RTF2: variants seen among roughly 807,000 people sequenced by gnomAD.
RTF2 encodes the protein UPF0549 protein C20orf43.
Under a neutral mutation model 38.0 loss-of-function variants are expected in RTF2, and 18 were observed. The ratio of observed to expected loss-of-function variants is 0.47; its 90% CI spans 0.33 to 0.70. The LOEUF (loss-of-function observed/expected upper bound fraction) is 0.70, where lower values mean the gene tolerates loss of function less well. Among genes scored for constraint, RTF2 ranks in the 30% least tolerant of loss-of-function variants. RTF2 has a pLI of 0.02. For missense variants in RTF2, 311 were observed against 379.6 expected (o/e 0.82, Z 1.50); for synonymous variants, 126 against 137.1 (o/e 0.92, Z 0.57).
At chr20:56,484,322 G>A (rs751732163) in intron 5 of RTF2, 133 bp downstream of exon 5, 12 of 736,692 alleles carry the variant, frequency 1.6e-5, no homozygotes, top group Non-Finnish European at 2.8e-5. Context: ...ATGGCTCTTG[G>A]TTGCTGGAAG....
intron 5 of RTF2, among the ~76,000 whole-genome samples, chr20:56,504,833 G>A (rs890857777): frequency 1.3e-5 from 2 of 152,210 alleles, no homozygotes; most frequent in African/African-American, 2.4e-5. Flanking sequence ...ACGCCTAAGC[G>A]GGATGTGTGG....
At chr20:56,496,573 C>G in intron 5 of RTF2, 1 of 1,428,856 alleles carries the variant, frequency 7.0e-7, no homozygotes, top group South Asian at 1.5e-5. Flanking sequence ...ATCAATCAAT[C>G]AATCAATCTA....
intron 6 of RTF2, chr20:56,515,591 GAGAGAGAGACAC>G (rs1239556032): frequency 2.8e-4 from 27 of 95,720 alleles, no homozygotes; most frequent in Middle Eastern, 4.7e-3. Flanking sequence ...GAGAGAGAGA[GAGAGAGAGACAC>G]ACACACACAC....
At chr20:56,505,968 A>G (rs1984241327) in intron 5 of RTF2, among the ~76,000 whole-genome samples, 1 of 152,184 alleles carries the variant, frequency 6.6e-6, no homozygotes, top group South Asian at 2.1e-4. Context: ...AAAAGGAGCT[A>G]TCTCCCTTGC....
At chr20:56,497,856 A>G (rs1000942819) in intron 5 of RTF2, among the ~76,000 whole-genome samples, 3 of 152,136 alleles carry the variant, frequency 2.0e-5, no homozygotes, top group African/African-American at 7.2e-5. Flanking sequence ...ATCTCTGGCA[A>G]TTGCCGATAC....
At position 56,516,922 on chromosome 20, in the gene RTF2, T is replaced by C. The variant is rs775067666; in HGVS notation, c.592-13T>C. Reference sequence around the variant, plus strand: ...TCTGAGCACAGCCTCCAACATTCTCTATCTTTTTGTAGAAAACAAAGAAAC... The same window carrying C: ...TCTGAGCACAGCCTCCAACATTCTCCATCTTTTTGTAGAAAACAAAGAAAC... On this transcript the variant is annotated splice_polypyrimidine_tract_variant and intron_variant, in intron 6 of 8. Transcript: ENST00000357348. The C allele has an allele frequency of 4.3e-6, 7 of 1,613,220 alleles. No individual in the cohort carries two copies. The highest frequency in any genetic ancestry group is 4.2e-6 in the Non-Finnish European group (5 of 1,179,158).
In RTF2 at chr20:56,518,723, G is replaced by T; in HGVS notation, c.*458G>T. ...CTGTGCCCACTAGAAGCTTCGAAGG[G>T]CCTCGTCCCTCTGCTACAGCCCTGG... is the stretch of plus-strand genomic sequence containing the variant. On this transcript the variant is annotated 3_prime_UTR_variant, in exon 9 of 9. Coordinates refer to ENST00000357348, the MANE Select transcript of RTF2 (RefSeq NM_016407.5). 6.5e-6 allele frequency: 1 copy of T among 153,120 alleles called. No individual in the cohort carries two copies. The allele number at this position is 153,120 out of a possible 1,614,324, so 9.5% of individuals were successfully genotyped here. A position where few individuals can be genotyped will look rare whatever the true frequency, so the allele number is the denominator to read the frequency against.
intron 4 of RTF2, among the ~76,000 whole-genome samples, chr20:56,478,727 G>A (rs1447232783): frequency 6.6e-6 from 1 of 152,142 alleles, no homozygotes; most frequent in East Asian, 1.9e-4. Flanking sequence ...CTGTAGCAGT[G>A]TATTACAGTA....
chr20:56,491,907 C>G, intron 5 of RTF2: 1 of 669,830 alleles, frequency 1.5e-6, no homozygotes, highest in Non-Finnish European at 2.6e-6. Flanking sequence ...GAGTTCACAT[C>G]AAACAGCATT....
intron 5 of RTF2, among the ~76,000 whole-genome samples, chr20:56,502,791 C>T (rs942154979): frequency 6.6e-6 from 1 of 152,128 alleles, no homozygotes; most frequent in African/African-American, 2.4e-5. Context: ...TTGAGGGAGG[C>T]TCAATATTGC....
intron 5 of RTF2, among the ~76,000 whole-genome samples, chr20:56,488,576 G>A (rs1402391520): frequency 6.6e-6 from 1 of 152,206 alleles, no homozygotes; most frequent in East Asian, 1.9e-4. Context: ...TAGGGAAAAG[G>A]AGTGTCGTCA....
rs1023973073 is a variant in RTF2, at chr20:56,513,510, G to C, written c.591+82G>C. ...AAATCACTGAACTGAGCTGGCAGCTGCTTAGGGGTTTGCATGATCAAGGCG... is the reference window on the plus strand; with the variant it reads ...AAATCACTGAACTGAGCTGGCAGCTCCTTAGGGGTTTGCATGATCAAGGCG... On this transcript the variant is annotated intron_variant, in intron 6 of 8. Transcript: ENST00000357348. 10 of 1,523,190 alleles carry C rather than the reference G, an allele frequency of 6.6e-6. No homozygotes were observed. In the African/African-American group the frequency reaches 1.2e-4, roughly 19 times the overall value. The allele number at this position is 1,523,190 out of a possible 1,614,324, so 94.4% of individuals were successfully genotyped here.
At chr20:56,499,779 C>T (rs1407886400) in intron 5 of RTF2, among the ~76,000 whole-genome samples, 2 of 152,012 alleles carry the variant, frequency 1.3e-5, no homozygotes, top group Non-Finnish European at 2.9e-5. Context: ...CTCTGTCACC[C>T]AGGCTGGAGT....
rs377707705 is a variant in RTF2 at position 56,482,923 on chromosome 20, C to T, written c.399-1188C>T. On this transcript the variant is annotated intron_variant, in intron 4 of 8. Transcript: ENST00000357348. ...GCTTCTCCACGCCTCTGCATATAGA[C>T]GTAGAAATCGACACGTATTCTTCCC... Among the ~76,000 whole-genome samples the T allele has an allele frequency of 9.8e-5, 15 of 152,318 alleles. No individual in the cohort carries two copies. In the East Asian group the frequency reaches 1.2e-3, roughly 12 times the overall value.
chr20:56,511,678 C>G (rs1405029407), intron 5 of RTF2, among the ~76,000 whole-genome samples: 2 of 152,106 alleles, frequency 1.3e-5, no homozygotes, highest in African/African-American at 4.8e-5. Context: ...TGCTGCATCC[C>G]TGGCCTCTAC....
rs192803648 is a variant in RTF2, at chr20:56,479,381, G to A, written c.398+2257G>A. Among the ~76,000 whole-genome samples the A allele has an allele frequency of 2.8e-4, 42 of 151,852 alleles. 2 individuals carry two copies. The highest frequency in any genetic ancestry group is 1.6e-3 in the Admixed American group (24 of 15,236). ...GCTGGGATTACAGGTGCCCGCCACC[G>A]TGCCCAGCTAATGTTTATATTTTTA... On this transcript the variant is annotated intron_variant, in intron 4 of 8. Coordinates refer to ENST00000357348, the MANE Select transcript of RTF2 (RefSeq NM_016407.5).
chr20:56,484,072 G>T, intron 4 of RTF2, 39 bp from the exon 5 acceptor site: 1 of 1,559,976 alleles, frequency 6.4e-7, no homozygotes, highest in South Asian at 1.1e-5. Context: ...TTGATCATGT[G>T]ATTAATACAG....
intron 1 of RTF2, among the ~76,000 whole-genome samples, 198 bp downstream of exon 1, chr20:56,468,964 A>T (rs1981822166): frequency 6.6e-6 from 1 of 152,208 alleles, no homozygotes; most frequent in African/African-American, 2.4e-5. Flanking sequence ...CATTCACTGG[A>T]CAGTAATCTT....
intron 5 of RTF2, among the ~76,000 whole-genome samples, chr20:56,510,742 C>T (rs1984603903): frequency 6.6e-6 from 1 of 152,096 alleles, no homozygotes; most frequent in East Asian, 1.9e-4. Flanking sequence ...AAGTTCAAGA[C>T]CAGCCTGAAC....
Sources: allele counts gnomAD v4.1 joint callset (sites outside exome capture counted in the v4.1 genomes callset), GRCh38; gene constraint gnomAD v4.1.1; transcripts MANE v1.5; gene names NCBI Gene and HGNC (gene_info 2026-07-23, HGNC 2026-07-21).